Variants in PARD6G observed in about 807,000 individuals in gnomAD.
The protein encoded by PARD6G is par-6 family cell polarity regulator gamma, also known as partitioning defective 6 homolog gamma.
Under a neutral mutation model 10.7 loss-of-function variants are expected in PARD6G, and 7 were observed. The observed-to-expected ratio is 0.66, with a 90% CI of 0.37 to 1.23. PARD6G has a LOEUF of 1.23. PARD6G is among the 50% of genes most tolerant of loss of function. The pLI is 0.02. For synonymous variants in PARD6G, 287 were observed against 269.4 expected (o/e 1.07, Z -0.64); for missense variants, 548 against 571.8 (o/e 0.96, Z 0.42).
chr18:80,247,264 G>A lies in PARD6G; in HGVS notation c.72+13C>T. On this transcript the variant is annotated intron_variant, in intron 1 of 2. Coordinates refer to ENST00000353265, the MANE Select transcript of PARD6G (RefSeq NM_032510.4). This position sits in a 1 kb window ranked among gnomAD's most constrained non-coding sequence, Gnocchi z 4.2. Reference sequence around the variant, plus strand: ...ACTGGGCGCAGGGCCGCCGGGGCGGGCGGGGGGCTTACCTTGCTCTTGACT... The same window carrying A: ...ACTGGGCGCAGGGCCGCCGGGGCGGACGGGGGGCTTACCTTGCTCTTGACT... The A allele has an allele frequency of 6.4e-7, 1 of 1,570,766 alleles. No homozygotes were observed. Among genetic ancestry groups the A allele is most frequent in the Non-Finnish European group, 8.6e-7 (1 of 1,158,690 alleles).
chr18:80,205,199 T>G (rs1160582291), intron 1 of PARD6G, among the ~76,000 whole-genome samples: 1 of 152,152 alleles, frequency 6.6e-6, no homozygotes, highest in Non-Finnish European at 1.5e-5. Flanking sequence ...TCCCCGTTAT[T>G]CAAGGGGAAA....
At chr18:80,220,109 T>C (rs1329376279) in intron 1 of PARD6G, among the ~76,000 whole-genome samples, 1 of 152,158 alleles carries the variant, frequency 6.6e-6, no homozygotes, top group Non-Finnish European at 1.5e-5. Flanking sequence ...TGGGGAGGCC[T>C]TAGGAAACTT....
chr18:80,160,209 C>T lies in PARD6G; in HGVS notation c.693G>A (p.Gln231=), dbSNP rs770896881. The change falls in exon 3 of 3, where the codon CAG becomes CAA. Residue 231 remains glutamine, a synonymous_variant. Coordinates refer to ENST00000353265, the MANE Select transcript of PARD6G (RefSeq NM_032510.4). ...GIEVAGKTLD[Q]VTDMMIANSH... Reference sequence around the variant, plus strand: ...TGTTGGCGATCATCATGTCCGTGACCTGGTCCAGCGTCTTCCCGGCCACCT... The same window carrying T: ...TGTTGGCGATCATCATGTCCGTGACTTGGTCCAGCGTCTTCCCGGCCACCT... 1 of 1,613,250 alleles carries T rather than the reference C, an allele frequency of 6.2e-7. No individual in the cohort carries two copies. Among genetic ancestry groups the T allele is most frequent in the East Asian group, 2.2e-5 (1 of 44,848 alleles).
rs189355217 is a variant in PARD6G, at chr18:80,200,980, C to T, written c.295+1730G>A. Among the ~76,000 whole-genome samples, 108 of 152,324 alleles carry T rather than the reference C, an allele frequency of 7.1e-4. No individual in the cohort carries two copies. The highest frequency in any genetic ancestry group is 1.6e-3 in the African/African-American group (66 of 41,574). The stretch of plus-strand genomic sequence containing the variant: ...TGCACGATGGGCAACAAAGCCTGTG[C>T]GCACATCTGCAGTTTACACACCTTC... On this transcript the variant is annotated intron_variant, in intron 2 of 2. Coordinates refer to ENST00000353265, the MANE Select transcript of PARD6G (RefSeq NM_032510.4). This position sits in a 1 kb window ranked among gnomAD's most constrained non-coding sequence, Gnocchi z 4.4.
At chr18:80,214,492 A>C (rs1292847728) in intron 1 of PARD6G, among the ~76,000 whole-genome samples, 1 of 152,128 alleles carries the variant, frequency 6.6e-6, no homozygotes, top group African/African-American at 2.4e-5. Context: ...TATCTCACCA[A>C]ATAGAGAATA....
At chr18:80,238,204 A>G (rs1303432774) in intron 1 of PARD6G, among the ~76,000 whole-genome samples, 1 of 152,210 alleles carries the variant, frequency 6.6e-6, no homozygotes, top group Non-Finnish European at 1.5e-5. Context: ...ACATGGATGA[A>G]GCTGGAAACC....
rs1037176859 is a variant in PARD6G at position 80,159,420 on chromosome 18, A to G, written c.*351T>C. 36 of 199,640 alleles carry G rather than the reference A, an allele frequency of 1.8e-4. No individual in the cohort carries two copies. Among genetic ancestry groups the G allele is most frequent in the Non-Finnish European group, 3.3e-4 (33 of 100,100 alleles). 12.4% of individuals were successfully genotyped at this position (199,640 alleles called of 1,614,324 possible). A position where few individuals can be genotyped will look rare whatever the true frequency, so the allele number is the denominator to read the frequency against. ...CAACTTACTTAAAAACATGAATTTGACTATTTTAAAAAAGTAATTTTAAAG... is the reference window on the plus strand; with the variant it reads ...CAACTTACTTAAAAACATGAATTTGGCTATTTTAAAAAAGTAATTTTAAAG... On this transcript the variant is annotated 3_prime_UTR_variant, in exon 3 of 3. Coordinates refer to ENST00000353265, the MANE Select transcript of PARD6G (RefSeq NM_032510.4).
intron 1 of PARD6G, among the ~76,000 whole-genome samples, chr18:80,239,382 C>T (rs188330132): frequency 6.7e-4 from 102 of 152,132 alleles, no homozygotes; most frequent in African/African-American, 2.3e-3. Flanking sequence ...CCCTGGGCTA[C>T]ACTGGAGGAA....
intron 1 of PARD6G, among the ~76,000 whole-genome samples, chr18:80,223,095 C>G (rs2145295620): frequency 6.6e-6 from 1 of 152,262 alleles, no homozygotes; most frequent in South Asian, 2.1e-4. Context: ...GGACCTCTAC[C>G]TCATGCCATA....
At position 80,220,016 on chromosome 18, in the gene PARD6G, T is replaced by C. The variant is rs188340325; in HGVS notation, c.73-17084A>G. On this transcript the variant is annotated intron_variant, in intron 1 of 2. Transcript: ENST00000353265. ...GGTACCAATTTACTGTATTAGTCTGTTCTCACACTGCTATAAGGACATGCC... is the reference window on the plus strand; with the variant it reads ...GGTACCAATTTACTGTATTAGTCTGCTCTCACACTGCTATAAGGACATGCC... Among the ~76,000 whole-genome samples, 45 of 152,300 alleles carry C rather than the reference T, an allele frequency of 3.0e-4. 1 individual carries two copies. The East Asian group carries it at 8.3e-3, about 28-fold the overall frequency.
In PARD6G at chr18:80,247,265, C is replaced by T; in HGVS notation, c.72+12G>A. ...CTGGGCGCAGGGCCGCCGGGGCGGG[C>T]GGGGGGCTTACCTTGCTCTTGACTT... On this transcript the variant is annotated intron_variant, in intron 1 of 2. Transcript: ENST00000353265. The surrounding 1 kb of genome is among the most constrained non-coding windows in gnomAD (Gnocchi z 4.2). 1 of 1,570,170 alleles carries T rather than the reference C, an allele frequency of 6.4e-7. No individual in the cohort carries two copies. The highest frequency in any genetic ancestry group is 1.4e-5 in the African/African-American group (1 of 71,146).
At chr18:80,217,981 A>G (rs1967188267) in intron 1 of PARD6G, among the ~76,000 whole-genome samples, 1 of 152,294 alleles carries the variant, frequency 6.6e-6, no homozygotes, top group South Asian at 2.1e-4. Flanking sequence ...TTCACTCACT[A>G]TCACAAGAAC....
At chr18:80,167,237 C>T (rs773881702) in intron 2 of PARD6G, among the ~76,000 whole-genome samples, 19 of 148,914 alleles carry the variant, frequency 1.3e-4, no homozygotes, top group African/African-American at 4.0e-4. Context: ...ACCTGTGTGC[C>T]GGATAACACA....
chr18:80,181,191 C>T lies in PARD6G; in HGVS notation c.296-20585G>A, dbSNP rs189372089. Among the ~76,000 whole-genome samples, 371 of 152,244 alleles carry T rather than the reference C, an allele frequency of 2.4e-3. 11 individuals are homozygous for T. The highest frequency in any genetic ancestry group is 0.017 in the Middle Eastern group (5 of 294). The stretch of plus-strand genomic sequence containing the variant: ...CAATGACACCCACAGACAAGCCCTG[C>T]GTACACTGACCGTAGACTGGTGTGT... On this transcript the variant is annotated intron_variant, in intron 2 of 2. Transcript: ENST00000353265. The surrounding 1 kb of genome is among the most constrained non-coding windows in gnomAD (Gnocchi z 7.9).
intron 2 of PARD6G, among the ~76,000 whole-genome samples, chr18:80,194,989 C>T (rs374194531): frequency 2.0e-5 from 3 of 152,064 alleles, no homozygotes; most frequent in East Asian, 1.9e-4. Context: ...GGGAATAAAA[C>T]GGCAGGAGGA....
At chr18:80,177,607 C>A (rs1270630469) in intron 2 of PARD6G, among the ~76,000 whole-genome samples, 1 of 151,356 alleles carries the variant, frequency 6.6e-6, no homozygotes, top group East Asian at 1.9e-4. Flanking sequence ...CACACAAACA[C>A]ACAGACACAC....
At chr18:80,165,523 G>A (rs897391087) in intron 2 of PARD6G, among the ~76,000 whole-genome samples, 5 of 151,242 alleles carry the variant, frequency 3.3e-5, no homozygotes, top group Admixed American at 6.6e-5. Context: ...CTGAGGTGAC[G>A]TATATCCTCA....
At position 80,160,063 on chromosome 18, in the gene PARD6G, G is replaced by C; in HGVS notation, c.839C>G (p.Pro280Arg). 6 of 1,565,120 alleles carry C rather than the reference G, an allele frequency of 3.8e-6. No individual in the cohort carries two copies. Among genetic ancestry groups the C allele is most frequent in the Non-Finnish European group, 5.2e-6 (6 of 1,159,352 alleles). The change falls in exon 3 of 3, where the codon CCC becomes CGC. Residue 280 changes from proline (P) to arginine (R), a missense_variant. Pro to Arg is a moderately radical substitution (Grantham distance 103). Around this residue, in one of 2 missense-constraint regions of PARD6G, gnomAD observed 313 missense variants for 279.9 expected, o/e 1.12. Transcript: ENST00000353265. Reference protein sequence around the residue: ...SDGTAGFVGPPAPRVLQNFHP... With the variant: ...SDGTAGFVGPRAPRVLQNFHP... ...GAAGTTCTGCAGGACGCGCGGGGCG[G>C]GGGGACCCACGAAGCCCGCGGTGCC... is the stretch of plus-strand genomic sequence containing the variant.
At chr18:80,237,896 G>A (rs1967442913) in intron 1 of PARD6G, among the ~76,000 whole-genome samples, 1 of 152,074 alleles carries the variant, frequency 6.6e-6, no homozygotes, top group Non-Finnish European at 1.5e-5. Flanking sequence ...TACACTGTTG[G>A]TGGGACTGTA....
Sources: gnomAD v4.1 joint callset for allele counts (sites outside exome capture counted in the v4.1 genomes callset) on GRCh38, gnomAD v4.1.1 for gene constraint, gnomAD v4.1.1 regional missense constraint, Gnocchi (gnomAD v3.1) non-coding constraint, MANE v1.5 for transcripts, NCBI Gene and HGNC (gene_info 2026-07-23, HGNC 2026-07-21) for gene names.